Variants in SP140 observed in about 807,000 individuals in gnomAD.
SP140 encodes the protein SP140 nuclear body protein, also known as nuclear body protein SP140.
SP140 carries 81 observed loss-of-function variants against 125.0 expected under a neutral mutation model. The ratio of observed to expected loss-of-function variants is 0.65; its 90% CI spans 0.54 to 0.78. The LOEUF is 0.78. SP140 is among the 30% of genes least tolerant of loss of function. The pLI, the probability that SP140 is intolerant of heterozygous loss-of-function variation, is 0.00. For synonymous variants in SP140, 312 were observed against 354.0 expected (o/e 0.88, Z 1.33); for missense variants, 858 against 1,037.0 (o/e 0.83, Z 2.37).
Position 230,269,520 on chromosome 2 carries a change from G to C in SP140, c.1241-12G>C. 6.5e-7 allele frequency: 1 copy of C among 1,546,638 alleles called. No homozygotes were observed. Among genetic ancestry groups the C allele is most frequent in the Non-Finnish European group, 8.9e-7 (1 of 1,118,726 alleles). On this transcript the variant is annotated splice_polypyrimidine_tract_variant and intron_variant, in intron 12 of 26. Coordinates refer to ENST00000392045, the MANE Select transcript of SP140 (RefSeq NM_007237.5). The stretch of plus-strand genomic sequence containing the variant: ...AGGATCCTTGGACAATAATTTTCTT[G>C]TTTCTCATTAGTGTCTAGTGAACTA...
At chr2:230,248,572 A>C (rs73104222) in intron 8 of SP140, among the ~76,000 whole-genome samples, 2,783 of 152,270 alleles carry the variant, frequency 0.018, 88 homozygotes, top group African/African-American at 0.064. Context: ...GAGCTAAAGA[A>C]ATAATAGAAA....
upstream of SP140, among the ~76,000 whole-genome samples, chr2:230,223,532 T>C (rs1000008767): frequency 2.6e-5 from 4 of 151,882 alleles, no homozygotes; most frequent in East Asian, 5.8e-4. Flanking sequence ...CAGAGTCAGT[T>C]TGGATTACTT....
At chr2:230,235,401 C>T (rs930242237) in intron 1 of SP140, among the ~76,000 whole-genome samples, 6 of 152,120 alleles carry the variant, frequency 3.9e-5, no homozygotes, top group Admixed American at 3.3e-4. Flanking sequence ...AACTTTAATT[C>T]CTTTACTGTC....
intron 20 of SP140, 146 bp downstream of exon 20, chr2:230,292,934 A>G: frequency 8.4e-7 from 1 of 1,191,986 alleles, no homozygotes. Flanking sequence ...GAGGGACCCC[A>G]CATTCATAAC....
At chr2:230,215,184 G>A (rs1482245320) in intron 3 of SP140, 1 of 1,316,484 alleles carries the variant, frequency 7.6e-7, no homozygotes. Context: ...ATACATTTAT[G>A]GTTTTCTAAG....
intron 22 of SP140, among the ~76,000 whole-genome samples, chr2:230,306,947 A>G (rs982227573): frequency 1.3e-5 from 2 of 152,256 alleles, no homozygotes; most frequent in Non-Finnish European, 2.9e-5. Flanking sequence ...CCTATGGACC[A>G]GAGTGGGAAC....
chr2:230,232,330 C>A (rs2047379748), intron 1 of SP140, among the ~76,000 whole-genome samples: 1 of 152,218 alleles, frequency 6.6e-6, no homozygotes. Context: ...GACTTCAGTG[C>A]CTGCTGCCTC....
intron 1 of SP140, chr2:230,234,882 C>T (rs1023478979): frequency 3.9e-5 from 6 of 151,984 alleles, no homozygotes; most frequent in African/African-American, 1.2e-4. Context: ...TCTGTATTTC[C>T]GCTAGGGTAA....
chr2:230,301,655 A>G (rs917059835), intron 22 of SP140, among the ~76,000 whole-genome samples: 19 of 152,226 alleles, frequency 1.2e-4, no homozygotes, highest in African/African-American at 4.3e-4. Flanking sequence ...TTAAAACAAT[A>G]TATCAAAATA....
chr2:230,225,783 C>A lies in SP140; in HGVS notation c.-62C>A. 7.1e-7 allele frequency: 1 copy of A among 1,416,194 alleles called. No homozygotes were observed. Among genetic ancestry groups the A allele is most frequent in the Non-Finnish European group, 1.0e-6 (1 of 999,380 alleles). The allele number at this position is 1,416,194 out of a possible 1,614,324, so 87.7% of individuals were successfully genotyped here. On this transcript the variant is annotated 5_prime_UTR_variant, in exon 1 of 27. Transcript: ENST00000392045. ...CGAGGGGCAGTTGGCAGCTTCACCT[C>A]AGAGCTGCAGGAAGGAACGGGGCAG...
At position 230,292,700 on chromosome 2, in the gene SP140, A is replaced by T. The variant is rs1470174444; in HGVS notation, c.1880A>T (p.Glu627Val). The T allele has an allele frequency of 8.1e-6, 13 of 1,614,092 alleles. No homozygotes were observed. The highest frequency in any genetic ancestry group is 1.1e-5 in the Non-Finnish European group (13 of 1,180,048). The change falls in exon 20 of 27, where the codon GAA becomes GTA. Residue 627 changes from glutamate to valine, a missense_variant. Glu to Val is a moderately radical substitution (Grantham distance 121). Around this residue, in one of 4 missense-constraint regions of SP140, gnomAD observed 791 missense variants for 869.5 expected, o/e 0.91. Coordinates refer to ENST00000392045, the MANE Select transcript of SP140 (RefSeq NM_007237.5). Reference sequence around the variant, plus strand: ...GATGGAAAATGGTTCACCCCCACGGAATTTGAAATCAAAGGAGGCCATGCA... The same window carrying T: ...GATGGAAAATGGTTCACCCCCACGGTATTTGAAATCAAAGGAGGCCATGCA... ...TEDGKWFTPTEFEIKGGHARS... is the reference protein window; with the variant it reads ...TEDGKWFTPTVFEIKGGHARS...
upstream of SP140, among the ~76,000 whole-genome samples, chr2:230,202,089 CAT>C (rs769285686): frequency 9.2e-5 from 14 of 152,124 alleles, no homozygotes; most frequent in Non-Finnish European, 1.8e-4. Context: ...TTTGCACAAA[CAT>C]AAAATGATGT....
intron 4 of SP140, 29 bp downstream of exon 4, chr2:230,241,516 T>G: frequency 7.4e-7 from 1 of 1,344,434 alleles, no homozygotes; most frequent in Non-Finnish European, 1.1e-6. Context: ...ATCAATGCCC[T>G]TATTAAAGTT....
At position 230,245,891 on chromosome 2, in the gene SP140, TGAA is replaced by T. The variant is rs1258981279; in HGVS notation, c.695_697del (p.Glu232del). The T allele has an allele frequency of 1.9e-6, 3 of 1,607,652 alleles. No individual in the cohort carries two copies. The Admixed American group carries it at 5.0e-5, about 27-fold the overall frequency. On this transcript the variant is annotated inframe_deletion, in exon 7 of 27. Coordinates refer to ENST00000392045, the MANE Select transcript of SP140 (RefSeq NM_007237.5). ...CCTGTAAACTTGCTATACAAATAGA[TGAA>T]GGAGAATCAGAAGAAATGCCCAAGT...
At chr2:230,296,220 G>A (rs763317488) in intron 21 of SP140, among the ~76,000 whole-genome samples, 1 of 152,208 alleles carries the variant, frequency 6.6e-6, no homozygotes, top group African/African-American at 2.4e-5. Flanking sequence ...CAGCCTAGGT[G>A]ACTGAGTGAG....
chr2:230,237,276 C>G lies in SP140; in HGVS notation c.237+16C>G. The G allele has an allele frequency of 6.2e-7, 1 of 1,607,644 alleles. No individual in the cohort carries two copies. The highest frequency in any genetic ancestry group is 1.1e-5 in the South Asian group (1 of 90,204). On this transcript the variant is annotated intron_variant, in intron 2 of 26. Transcript: ENST00000392045. The surrounding 1 kb of genome is among the most constrained non-coding windows in gnomAD (Gnocchi z 5.4). ...GATGTATGAAGTAAGTAAGAATTTCCAAATGATGATAAACCAGGTCCATAC... is the reference window on the plus strand; with the variant it reads ...GATGTATGAAGTAAGTAAGAATTTCGAAATGATGATAAACCAGGTCCATAC...
upstream of SP140, among the ~76,000 whole-genome samples, chr2:230,199,142 A>T (rs1406834885): frequency 3.1e-4 from 37 of 119,766 alleles, no homozygotes; most frequent in African/African-American, 1.4e-3. Context: ...TATTATTATT[A>T]TTATTATTTT....
At chr2:230,202,507 C>A, upstream of SP140, 1 of 1,456,012 alleles carries the variant, frequency 6.9e-7, no homozygotes, top group Non-Finnish European at 9.6e-7. Flanking sequence ...ATCTACTTAA[C>A]TCTGTACCTG....
intron 12 of SP140, among the ~76,000 whole-genome samples, chr2:230,264,992 T>C (rs1482366855): frequency 1.3e-5 from 2 of 152,156 alleles, no homozygotes; most frequent in Non-Finnish European, 2.9e-5. Flanking sequence ...TGTGGTATTA[T>C]GGGGAGGAAC....
Sources: gnomAD v4.1 joint callset for allele counts (sites outside exome capture counted in the v4.1 genomes callset) on GRCh38, gnomAD v4.1.1 for gene constraint, gnomAD v4.1.1 regional missense constraint, Gnocchi (gnomAD v3.1) non-coding constraint, MANE v1.5 for transcripts, NCBI Gene and HGNC (gene_info 2026-07-23, HGNC 2026-07-21) for gene names.